Variants in CSMD3 observed in about 807,000 individuals in gnomAD.
The protein encoded by CSMD3 is CUB and Sushi multiple domains 3, also known as CUB and sushi domain-containing protein 3.
A neutral mutation model predicts 435.2 loss-of-function variants in CSMD3; 177 were observed. The observed-to-expected ratio is 0.41, with a 90% confidence interval of 0.36 to 0.46. CSMD3 has a LOEUF of 0.46. Among genes scored for constraint, CSMD3 ranks in the 20% least tolerant of loss-of-function variants. The pLI, the probability that CSMD3 is intolerant of heterozygous loss-of-function variation, is 0.34. For missense variants in CSMD3, 4,265 were observed against 4,504.6 expected (o/e 0.95, Z 1.52); for synonymous variants, 1,656 against 1,520.5 (o/e 1.09, Z -2.07).
chr8:113,017,003 T>C (rs1354526486), intron 6 of CSMD3, among the ~76,000 whole-genome samples: 1 of 151,940 alleles, frequency 6.6e-6, no homozygotes, highest in Non-Finnish European at 1.5e-5. Flanking sequence ...AAAAGAATAA[T>C]ATGCAAAGGC....
chr8:113,417,797 A>G (rs1477150616), intron 1 of CSMD3, among the ~76,000 whole-genome samples: 1 of 152,102 alleles, frequency 6.6e-6, no homozygotes, highest in Non-Finnish European at 1.5e-5. Context: ...AAATTAGAAC[A>G]TTAACATAGG....
At chr8:112,485,877 C>A (rs1820074932) in intron 31 of CSMD3, among the ~76,000 whole-genome samples, 1 of 150,768 alleles carries the variant, frequency 6.6e-6, no homozygotes, top group Non-Finnish European at 1.5e-5. Context: ...CTAATCTTAA[C>A]ATATTTGTGT....
chr8:112,884,201 C>A (rs2081525845), intron 10 of CSMD3, among the ~76,000 whole-genome samples: 1 of 151,834 alleles, frequency 6.6e-6, no homozygotes, highest in South Asian at 2.1e-4. Context: ...TCTTTTCAAA[C>A]AATGTACAGA....
chr8:112,892,027 T>C (rs926812602), intron 10 of CSMD3, among the ~76,000 whole-genome samples: 1 of 151,622 alleles, frequency 6.6e-6, no homozygotes. Context: ...AGATGTTTAT[T>C]AAATATGAAT....
chr8:112,806,121 A>T (rs1357302506), intron 12 of CSMD3, among the ~76,000 whole-genome samples: 1 of 56,642 alleles, frequency 1.8e-5, no homozygotes, highest in Non-Finnish European at 3.9e-5. Flanking sequence ...TGGACAGTGA[A>T]TTTCAGTTTT....
At chr8:113,178,378 A>G (rs532447114) in intron 3 of CSMD3, among the ~76,000 whole-genome samples, 19 of 152,034 alleles carry the variant, frequency 1.2e-4, no homozygotes, top group African/African-American at 4.3e-4. Flanking sequence ...ATTGCTATCT[A>G]CAAAAGGCAG....
chr8:112,370,035 A>AGAG (rs1563852449), intron 38 of CSMD3, among the ~76,000 whole-genome samples: 89 of 92,526 alleles, frequency 9.6e-4, no homozygotes, highest in African/African-American at 3.2e-3. Context: ...AAGAAGAAGA[A>AGAG]GAAGAAGAAG....
In CSMD3 at chr8:112,292,524, C is replaced by T. The variant is rs1819867525; in HGVS notation, c.8788+13G>A. On this transcript the variant is annotated intron_variant, in intron 55 of 70. Transcript: ENST00000297405. Reference sequence around the variant, plus strand: ...TATCATGCCACCAAATGGGAATATACTTAGACATTTACCTTTGCACATAGG... The same window carrying T: ...TATCATGCCACCAAATGGGAATATATTTAGACATTTACCTTTGCACATAGG... 1 of 1,613,052 alleles carries T rather than the reference C, an allele frequency of 6.2e-7. No individual in the cohort carries two copies. Among genetic ancestry groups the T allele is most frequent in the East Asian group, 2.2e-5 (1 of 44,866 alleles).
intron 22 of CSMD3, among the ~76,000 whole-genome samples, chr8:112,614,162 T>A (rs141449046): frequency 2.2e-4 from 33 of 151,726 alleles, no homozygotes; most frequent in African/African-American, 8.0e-4. Context: ...GCAGAGGGAA[T>A]AGCAAATACA....
In CSMD3 at chr8:112,344,859, A is replaced by G. The variant is rs556400098; in HGVS notation, c.6442+1238T>C. Among the ~76,000 whole-genome samples, 8 of 152,282 alleles carry G rather than the reference A, an allele frequency of 5.3e-5. No homozygotes were observed. In the South Asian group the frequency reaches 1.7e-3, roughly 32 times the overall value. ...ATTTAAACCTAATATTTTAAAATTC[A>G]TACTACTTTTTAAAAATAAAATCTG... On this transcript the variant is annotated intron_variant, in intron 41 of 70. Coordinates refer to ENST00000297405, the MANE Select transcript of CSMD3 (RefSeq NM_198123.2).
chr8:112,997,970 C>A (rs2085718274), intron 6 of CSMD3, among the ~76,000 whole-genome samples: 1 of 150,960 alleles, frequency 6.6e-6, no homozygotes, highest in Non-Finnish European at 1.5e-5. Flanking sequence ...TCATTTCATT[C>A]AGGATTTCCT....
Position 112,982,806 on chromosome 8 carries a change from T to C in CSMD3, c.1031-6658A>G, listed in dbSNP as rs118097427. On this transcript the variant is annotated intron_variant, in intron 6 of 70. Transcript: ENST00000297405. ...AATATATTACCTTCTTTCTGAATAA[T>C]ATAAAAGTTTTGTATTTAATTAATA... 2.7e-3 allele frequency among the ~76,000 whole-genome samples: 409 copies of C among 152,122 alleles called. 2 individuals carry two copies. Among genetic ancestry groups the C allele is most frequent in the South Asian group, 0.011 (51 of 4,830 alleles).
At chr8:113,378,466 GAA>G (rs2094399666) in intron 1 of CSMD3, among the ~76,000 whole-genome samples, 1 of 152,118 alleles carries the variant, frequency 6.6e-6, no homozygotes, top group African/African-American at 2.4e-5. Context: ...GTTATATAAA[GAA>G]AAGAATAGTA....
rs534295523 is a variant in CSMD3 at position 112,690,596 on chromosome 8, C to A, written c.1973-546G>T. 4.3e-4 allele frequency among the ~76,000 whole-genome samples: 63 copies of A among 146,512 alleles called. 1 individual carries two copies. Among genetic ancestry groups the A allele is most frequent in the South Asian group, 1.1e-3 (5 of 4,680 alleles). On this transcript the variant is annotated intron_variant, in intron 13 of 70. Coordinates refer to ENST00000297405, the MANE Select transcript of CSMD3 (RefSeq NM_198123.2). ...TTATTTTCCCAACTAGACCCCCCCCCCCAACAAAAAAAAAATCTTCTCAAA... is the reference window on the plus strand; with the variant it reads ...TTATTTTCCCAACTAGACCCCCCCCACCAACAAAAAAAAAATCTTCTCAAA...
At chr8:112,857,856 C>T (rs1277036741) in intron 11 of CSMD3, among the ~76,000 whole-genome samples, 2 of 151,204 alleles carry the variant, frequency 1.3e-5, no homozygotes, top group Non-Finnish European at 3.0e-5. Context: ...TCCTCAACAA[C>T]CAATAATTTG....
chr8:113,301,190 GA>G (rs1202443297), intron 2 of CSMD3, among the ~76,000 whole-genome samples: 1 of 152,028 alleles, frequency 6.6e-6, no homozygotes, highest in East Asian at 1.9e-4. Flanking sequence ...GGATACAAAT[GA>G]AACAAAATGT....
At chr8:112,621,130 G>A (rs527819422) in intron 22 of CSMD3, among the ~76,000 whole-genome samples, 200 of 152,228 alleles carry the variant, frequency 1.3e-3, no homozygotes, top group Middle Eastern at 0.01. Context: ...AGGTACTCGG[G>A]AGACTGAGGC....
intron 3 of CSMD3, among the ~76,000 whole-genome samples, chr8:113,187,168 T>C (rs987193661): frequency 6.6e-6 from 1 of 151,768 alleles, no homozygotes; most frequent in African/African-American, 2.4e-5. Context: ...TTCTTCTTCT[T>C]CTTTTCCTTT....
At chr8:113,392,774 T>C (rs2094466382) in intron 1 of CSMD3, among the ~76,000 whole-genome samples, 2 of 152,060 alleles carry the variant, frequency 1.3e-5, no homozygotes, top group South Asian at 4.1e-4. Context: ...ATGTTATAAT[T>C]TATGAAGAAC....
Sources: allele counts gnomAD v4.1 joint callset (sites outside exome capture counted in the v4.1 genomes callset), GRCh38; gene constraint gnomAD v4.1.1; transcripts MANE v1.5; gene names NCBI Gene and HGNC (gene_info 2026-07-23, HGNC 2026-07-21).